Variants in DCST2 observed in about 807,000 individuals in gnomAD.
DCST2 encodes DC-STAMP domain containing 2.
In DCST2, 64 loss-of-function variants were observed where a neutral mutation model predicts 81.8. That is an observed-to-expected ratio of 0.78 (90% CI 0.64 to 0.96). DCST2 has a LOEUF of 0.96. DCST2 is among the 40% of genes least tolerant of loss of function. DCST2 has a pLI of 0.00. For missense variants in DCST2, 945 were observed against 1,001.4 expected (o/e 0.94, Z 0.76); for synonymous variants, 354 against 402.6 (o/e 0.88, Z 1.44).
chr1:155,031,025 G>A lies in DCST2; in HGVS notation c.805+144C>T, dbSNP rs1215232953. On this transcript the variant is annotated intron_variant, in intron 5 of 14. Transcript: ENST00000368424. ...TCCTGATCTGTACAGCATGGATATGGGCCTGGGTGATCACTTGAGCCCCTT... is the reference window on the plus strand; with the variant it reads ...TCCTGATCTGTACAGCATGGATATGAGCCTGGGTGATCACTTGAGCCCCTT... 3.5e-6 allele frequency: 3 copies of A among 865,694 alleles called. No homozygotes were observed. The East Asian group carries it at 8.1e-5, about 23-fold the overall frequency. 53.6% of individuals were successfully genotyped at this position (865,694 alleles called of 1,614,324 possible). A position where few individuals can be genotyped will look rare whatever the true frequency, so the allele number is the denominator to read the frequency against.
rs1329450594 is a variant in DCST2 at position 155,023,372 on chromosome 1, G to A, written c.1956C>T (p.Asp652=). The change falls in exon 13 of 15, where the codon GAC becomes GAT. Residue 652 remains aspartate, a synonymous_variant. Transcript: ENST00000368424. The part of the protein sequence containing the change: ...ASPLSYQGDL[D]LELDSSDEEG... ...GTCACTGAAAGACTCACAGCTCCAGGTCCAGGTCCCCCTGGTAGGAGAGGG... is the reference window on the plus strand; with the variant it reads ...GTCACTGAAAGACTCACAGCTCCAGATCCAGGTCCCCCTGGTAGGAGAGGG... 4 of 1,608,966 alleles carry A rather than the reference G, an allele frequency of 2.5e-6. No homozygotes were observed. Among genetic ancestry groups the A allele is most frequent in the South Asian group, 1.1e-5 (1 of 90,246 alleles).
intron 14 of DCST2, among the ~76,000 whole-genome samples, chr1:155,020,496 A>G (rs1270377893): frequency 6.6e-6 from 1 of 151,984 alleles, no homozygotes; most frequent in Non-Finnish European, 1.5e-5. Flanking sequence ...CAGCCTCCCA[A>G]GTAGCTGGGA....
At chr1:155,033,371 G>A in intron 1 of DCST2, 63 bp downstream of exon 1, 3 of 1,592,734 alleles carry the variant, frequency 1.9e-6, no homozygotes, top group Non-Finnish European at 2.6e-6. Context: ...CTCTCCTCCA[G>A]CATCTCTTCT....
At position 155,026,317 on chromosome 1, in the gene DCST2, G is replaced by A. The variant is rs1470598869; in HGVS notation, c.1596C>T (p.Tyr532=). 6.2e-7 allele frequency: 1 copy of A among 1,613,790 alleles called. No individual in the cohort carries two copies. The highest frequency in any genetic ancestry group is 2.2e-5 in the East Asian group (1 of 44,872). ...GACCCCTCACCTGCTCCCGGGATGGGTAGTAGGAGGCACAGATGACTCGCC... is the reference window on the plus strand; with the variant it reads ...GACCCCTCACCTGCTCCCGGGATGGATAGTAGGAGGCACAGATGACTCGCC... ...RLRRVICASY[Y]PSREQERISY... Residue 532 remains tyrosine (Y), a synonymous_variant, in exon 10 of 15, where the codon TAC becomes TAT. Transcript: ENST00000368424.
Position 155,024,453 on chromosome 1 carries a change from GA to G in DCST2, c.1742+18del. On this transcript the variant is annotated intron_variant, in intron 11 of 14. Transcript: ENST00000368424. ...TATCCCCTCTTGCCCCACCCCTATAGAAAAGACAGTGGCCTCACCGACTGGC... is the reference window on the plus strand; with the variant it reads ...TATCCCCTCTTGCCCCACCCCTATAGAAAGACAGTGGCCTCACCGACTGGC... 6.3e-7 allele frequency: 1 copy of G among 1,585,858 alleles called. No homozygotes were observed. The highest frequency in any genetic ancestry group is 8.6e-7 in the Non-Finnish European group (1 of 1,164,654).
At chr1:155,020,419 G>C (rs1299948482) in intron 14 of DCST2, among the ~76,000 whole-genome samples, 2 of 152,186 alleles carry the variant, frequency 1.3e-5, no homozygotes, top group South Asian at 2.1e-4. Context: ...GCCCAGGCTG[G>C]AGTGCAGTGG....
chr1:155,027,990 T>C (rs1439605424), intron 8 of DCST2, among the ~76,000 whole-genome samples: 1 of 151,826 alleles, frequency 6.6e-6, no homozygotes, highest in Non-Finnish European at 1.5e-5. Flanking sequence ...AGTGGCAGGA[T>C]CTCGGCTCAC....
rs1410407116 is a variant in DCST2 at position 155,023,832 on chromosome 1, C to T, written c.1870G>A (p.Gly624Ser). ...TVSCSTPGCQ[G>S]LYCLTCFRLL... Reference sequence around the variant, plus strand: ...AGGCACACGCCCCAGGGGGTCTCACCTTGGCAGCCGGGGGTACTGCAGGAC... The same window carrying T: ...AGGCACACGCCCCAGGGGGTCTCACTTTGGCAGCCGGGGGTACTGCAGGAC... The change falls in exon 12 of 15, where the codon GGT becomes AGT. Residue 624 changes from glycine (G) to serine (S), a missense_variant and splice_region_variant. Gly to Ser is a moderately conservative substitution (Grantham distance 56). Coordinates refer to ENST00000368424, the MANE Select transcript of DCST2 (RefSeq NM_144622.3). 1.9e-6 allele frequency: 3 copies of T among 1,613,314 alleles called. No individual in the cohort carries two copies.
rs1660001941 is a variant in DCST2 at position 155,029,342 on chromosome 1, G to A, written c.1233C>T (p.Asn411=). Residue 411 remains asparagine (N), a synonymous_variant, in exon 8 of 15, where the codon AAC becomes AAT. Coordinates refer to ENST00000368424, the MANE Select transcript of DCST2 (RefSeq NM_144622.3). The part of the protein sequence containing the change: ...EKFFYILETF[N]LIRHLLLVLF... ...GCACGAGGAGGAGGTGTCGGATAAG[G>A]TTGAAGGTCTCCAGAATGTAAAAAA... The A allele has an allele frequency of 3.1e-6, 5 of 1,613,992 alleles. No homozygotes were observed. The highest frequency in any genetic ancestry group is 3.4e-6 in the Non-Finnish European group (4 of 1,180,010).
At chr1:155,024,387 T>A in intron 11 of DCST2, 85 bp downstream of exon 11, 3 of 1,463,422 alleles carry the variant, frequency 2.0e-6, no homozygotes, top group Non-Finnish European at 2.7e-6. Flanking sequence ...TCTTGACACT[T>A]AGATAGCACA....
At position 155,033,145 on chromosome 1, in the gene DCST2, C is replaced by A. The variant is rs1156231212; in HGVS notation, c.388G>T (p.Ala130Ser). The change falls in exon 2 of 15, where the codon GCC (alanine) becomes TCC (serine). Residue 130 changes from alanine to serine, a missense_variant. By Grantham distance (99) the Ala-to-Ser change is moderately conservative. Transcript: ENST00000368424. Reference protein sequence around the residue: ...SEAVACGAELALNQTAEVLQR... With the variant: ...SEAVACGAELSLNQTAEVLQR... ...AGCACTTCGGCGGTCTGGTTCAGGGCCAGCTCTGCCCCACAGGCTACAGCC... is the reference window on the plus strand; with the variant it reads ...AGCACTTCGGCGGTCTGGTTCAGGGACAGCTCTGCCCCACAGGCTACAGCC... 1.9e-6 allele frequency: 3 copies of A among 1,607,542 alleles called. No homozygotes were observed. In the South Asian group the frequency reaches 3.3e-5, roughly 18 times the overall value.
chr1:155,027,386 T>A (rs1337849056), intron 8 of DCST2, among the ~76,000 whole-genome samples: 2 of 115,162 alleles, frequency 1.7e-5, no homozygotes, highest in Non-Finnish European at 3.5e-5. Context: ...TAGCAGACAC[T>A]TCGCCTGCCT....
At chr1:155,027,038 T>TA (rs368075934) in intron 8 of DCST2, among the ~76,000 whole-genome samples, 9 of 151,392 alleles carry the variant, frequency 5.9e-5, no homozygotes, top group East Asian at 3.9e-4. Flanking sequence ...TTTTTTTTTT[T>TA]AATTTATTTT....
At chr1:155,027,478 T>G (rs1234250127) in intron 8 of DCST2, among the ~76,000 whole-genome samples, 1 of 149,644 alleles carries the variant, frequency 6.7e-6, no homozygotes, top group Non-Finnish European at 1.5e-5. Flanking sequence ...GCACTGACTG[T>G]GTAGCAGACA....
chr1:155,032,555 G>C (rs1206466891), intron 3 of DCST2, 112 bp downstream of exon 3: 7 of 796,392 alleles, frequency 8.8e-6, no homozygotes, highest in Non-Finnish European at 1.5e-5. Context: ...GGGCTCAAGT[G>C]ATTCTCCCAC....
chr1:155,019,234 C>T (rs560990733), intron 14 of DCST2, among the ~76,000 whole-genome samples: 2 of 152,316 alleles, frequency 1.3e-5, no homozygotes, highest in African/African-American at 4.8e-5. Context: ...ACCCAGCTGG[C>T]CCGTAGTGTT....
Position 155,024,016 on chromosome 1 carries a change from A to T in DCST2, c.1743-57T>A, listed in dbSNP as rs959830100. On this transcript the variant is annotated intron_variant, in intron 11 of 14. Transcript: ENST00000368424. ...CAGCCCAGCCAGCTTAACCCTCCCC[A>T]CTCCAGCACCAACCTCCAAATGGCA... 9 of 1,563,646 alleles carry T rather than the reference A, an allele frequency of 5.8e-6. No individual in the cohort carries two copies. The East Asian group carries it at 6.8e-5, about 12-fold the overall frequency.
At position 155,024,543 on chromosome 1, in the gene DCST2, G is replaced by C. The variant is rs370064823; in HGVS notation, c.1671C>G (p.Ala557=). 1 of 1,610,370 alleles carries C rather than the reference G, an allele frequency of 6.2e-7. No homozygotes were observed. The highest frequency in any genetic ancestry group is 1.3e-5 in the African/African-American group (1 of 74,954). The change falls in exon 11 of 15, where the codon GCC becomes GCG. Residue 557 remains alanine, a synonymous_variant. Transcript: ENST00000368424. ...LLSRRTNLLA[A]LHRSVRRRAA... is the part of the protein sequence containing the mutation. ...CCCGCCGCCTCACTGATCGGTGCAG[G>C]GCAGCCAACAGATTGGTTCGGCGGC... is the stretch of plus-strand genomic sequence containing the variant.
intron 14 of DCST2, among the ~76,000 whole-genome samples, chr1:155,019,384 C>T (rs1035840793): frequency 3.9e-5 from 6 of 152,220 alleles, no homozygotes; most frequent in East Asian, 1.9e-4. Flanking sequence ...GCAACCTCGT[C>T]GCTAGAGGAC....
Sources: gnomAD v4.1 joint callset for allele counts (sites outside exome capture counted in the v4.1 genomes callset) on GRCh38, gnomAD v4.1.1 for gene constraint, MANE v1.5 for transcripts, NCBI Gene and HGNC (gene_info 2026-07-23, HGNC 2026-07-21) for gene names.